Variants in SLC44A5 observed in about 807,000 individuals in gnomAD.
SLC44A5 encodes choline transporter-like protein 5.
In SLC44A5, 57 loss-of-function variants were observed where a neutral mutation model predicts 101.8. The ratio of observed to expected loss-of-function variants is 0.56; its 90% CI spans 0.45 to 0.70. SLC44A5 has a LOEUF of 0.70. Among genes scored for constraint, SLC44A5 ranks in the 30% least tolerant of loss-of-function variants. SLC44A5 has a pLI of 0.00. For missense variants in SLC44A5, 737 were observed against 853.1 expected, an observed-to-expected ratio of 0.86 and a Z score of 1.70; for synonymous variants, 281 against 290.9, an observed-to-expected ratio of 0.97 and a Z score of 0.35.
the SLC44A5 span, among the ~76,000 whole-genome samples, chr1:75,676,613 G>C: frequency 2.0e-5 from 3 of 152,202 alleles, no homozygotes; most frequent in Admixed American, 2.0e-4. Context: ...ACAGGAGATA[G>C]ATTGATAGGT....
chr1:75,608,703 C>G (rs1366422670), intron 1 of SLC44A5, among the ~76,000 whole-genome samples: 3 of 151,620 alleles, frequency 2.0e-5, no homozygotes, highest in African/African-American at 4.8e-5. Context: ...TCAAACATAC[C>G]AGGTATATTT....
rs752299455 is a variant in SLC44A5 at position 75,213,953 on chromosome 1, T to C, written c.1839A>G (p.Leu613=). ...CAGCAACTAGAAGTTTCCCCAGGAATAATACAAAGTATGTAACTTCATCTG... is the reference window on the plus strand; with the variant it reads ...CAGCAACTAGAAGTTTCCCCAGGAACAATACAAAGTATGTAACTTCATCTG... The part of the protein sequence containing the change: ...AVTDEVTYFV[L]FLGKLLVAGS... Residue 613 remains leucine (L), a synonymous_variant, in exon 21 of 24, where the codon TTA becomes TTG. Coordinates refer to ENST00000370859, the MANE Select transcript of SLC44A5 (RefSeq NM_001130058.2). 2.5e-6 allele frequency: 4 copies of C among 1,596,250 alleles called. No individual in the cohort carries two copies. The highest frequency in any genetic ancestry group is 2.6e-6 in the Non-Finnish European group (3 of 1,168,384).
At chr1:75,373,162 CCTCA>C (rs1169948904) in intron 3 of SLC44A5, among the ~76,000 whole-genome samples, 2 of 151,982 alleles carry the variant, frequency 1.3e-5, no homozygotes, top group Non-Finnish European at 2.9e-5. Flanking sequence ...GAAAGGCCTC[CCTCA>C]CTAACAGAAA....
chr1:75,609,513 T>C (rs1038215898), intron 1 of SLC44A5, among the ~76,000 whole-genome samples: 83 of 152,056 alleles, frequency 5.5e-4, no homozygotes, highest in Non-Finnish European at 4.4e-5. Flanking sequence ...TGAAATCTTG[T>C]GCTGTTGGGA....
the SLC44A5 span, among the ~76,000 whole-genome samples, chr1:75,677,364 T>C: frequency 6.6e-6 from 1 of 152,212 alleles, no homozygotes; most frequent in Non-Finnish European, 1.5e-5. Flanking sequence ...GTTTTCTCTT[T>C]GCTTGTTTAT....
the SLC44A5 span, among the ~76,000 whole-genome samples, chr1:75,652,733 G>A: frequency 7.9e-5 from 12 of 152,290 alleles, no homozygotes; most frequent in Non-Finnish European, 1.3e-4. Context: ...GTATGAGGTT[G>A]CAGTGAGCTA....
At chr1:75,417,304 G>A (rs1014230375) in intron 2 of SLC44A5, among the ~76,000 whole-genome samples, 1 of 152,184 alleles carries the variant, frequency 6.6e-6, no homozygotes, top group African/African-American at 2.4e-5. Context: ...ATCCATGTAA[G>A]ATGTGACTTG....
At chr1:75,548,473 A>T (rs1015821875) in intron 1 of SLC44A5, among the ~76,000 whole-genome samples, 7 of 151,742 alleles carry the variant, frequency 4.6e-5, no homozygotes, top group African/African-American at 7.3e-5. Flanking sequence ...AATATTACTA[A>T]TTTTTTTTTA....
At chr1:75,343,920 G>A (rs1009792945) in intron 3 of SLC44A5, among the ~76,000 whole-genome samples, 84 of 152,204 alleles carry the variant, frequency 5.5e-4, no homozygotes, top group African/African-American at 2.0e-3. Context: ...CTTACAGGAT[G>A]ATGTTCCCAC....
intron 2 of SLC44A5, among the ~76,000 whole-genome samples, chr1:75,409,816 C>T (rs1663157974): frequency 6.6e-6 from 1 of 152,096 alleles, no homozygotes; most frequent in Non-Finnish European, 1.5e-5. Context: ...CCCAATGCCT[C>T]TTTAAGAATC....
chr1:75,422,185 G>A (rs374832581), intron 2 of SLC44A5, among the ~76,000 whole-genome samples: 77 of 152,246 alleles, frequency 5.1e-4, no homozygotes, highest in Non-Finnish European at 8.1e-4. Flanking sequence ...AAAAGCAAAC[G>A]CCCTTTCTGG....
chr1:75,412,887 T>C (rs1663375655), intron 2 of SLC44A5, among the ~76,000 whole-genome samples: 2 of 152,150 alleles, frequency 1.3e-5, no homozygotes, highest in Admixed American at 1.3e-4. Flanking sequence ...CTGCCATGGC[T>C]CAATGATCCA....
chr1:75,327,680 A>G (rs1250326502), intron 4 of SLC44A5, among the ~76,000 whole-genome samples: 1 of 152,228 alleles, frequency 6.6e-6, no homozygotes, highest in Admixed American at 6.5e-5. Context: ...TAATCATTAC[A>G]AAACTAATAT....
chr1:75,221,669 A>T (rs1324325258), intron 14 of SLC44A5, among the ~76,000 whole-genome samples: 1 of 152,190 alleles, frequency 6.6e-6, no homozygotes, highest in Non-Finnish European at 1.5e-5. Context: ...CTCAACCATT[A>T]ATATGAACAT....
chr1:75,490,958 G>A (rs1296702077), intron 2 of SLC44A5, among the ~76,000 whole-genome samples: 3 of 151,902 alleles, frequency 2.0e-5, no homozygotes, highest in East Asian at 3.9e-4. Context: ...TAAGTTATTT[G>A]TTCTTAACAC....
chr1:75,589,128 C>G (rs780825890), intron 1 of SLC44A5, among the ~76,000 whole-genome samples: 1 of 152,130 alleles, frequency 6.6e-6, no homozygotes, highest in Non-Finnish European at 1.5e-5. Context: ...AAACAATACT[C>G]TAATTCTAGA....
At chr1:75,252,236 T>C (rs1328118031) in intron 6 of SLC44A5, among the ~76,000 whole-genome samples, 1 of 152,186 alleles carries the variant, frequency 6.6e-6, no homozygotes, top group Non-Finnish European at 1.5e-5. Flanking sequence ...GCTCTAAATA[T>C]TCAGGAAGAA....
chr1:75,217,986 GTTAAAAC>G (rs1286435647), intron 17 of SLC44A5, 26 bp from the exon 18 acceptor site: 6 of 1,429,812 alleles, frequency 4.2e-6, no homozygotes, highest in South Asian at 1.2e-5. Context: ...ATGAGAATAA[GTTAAAAC>G]TTAATACTAT....
Position 75,241,712 on chromosome 1 carries a change from C to T in SLC44A5, c.532+289G>A, listed in dbSNP as rs866293171. On this transcript the variant is annotated intron_variant, in intron 9 of 23. Transcript: ENST00000370859. ...GAGCATATCTGTGTGTGTGTTTATG[C>T]GTGCTTCCAAAGCACCAAATGATCA... Among the ~76,000 whole-genome samples the T allele has an allele frequency of 7.2e-5, 11 of 152,152 alleles. No individual in the cohort carries two copies. In the Middle Eastern group the frequency reaches 0.014, roughly 188 times the overall value.
Sources: gnomAD v4.1 joint callset for allele counts (sites outside exome capture counted in the v4.1 genomes callset) on GRCh38, gnomAD v4.1.1 for gene constraint, MANE v1.5 for transcripts, NCBI Gene and HGNC (gene_info 2026-07-23, HGNC 2026-07-21) for gene names.